The following FSTL4 variants were observed in gnomAD, a reference collection of about 807,000 sequenced individuals.
FSTL4 encodes the protein follistatin-related protein 4.
In FSTL4, 28 loss-of-function variants were observed where a neutral mutation model predicts 78.2. The observed-to-expected ratio is 0.36, with a 90% confidence interval of 0.27 to 0.49. FSTL4 has a LOEUF of 0.49. FSTL4 is among the 20% of genes least tolerant of loss of function. The pLI is 0.98. For synonymous variants in FSTL4, 422 were observed against 440.5 expected (o/e 0.96, Z 0.53); for missense variants, 922 against 1,084.9 (o/e 0.85, Z 2.11).
intron 7 of FSTL4, among the ~76,000 whole-genome samples, chr5:133,243,108 A>G (rs1751926643): frequency 6.6e-6 from 1 of 152,254 alleles, no homozygotes; most frequent in African/African-American, 2.4e-5. Flanking sequence ...TATGGGGAGA[A>G]AAGTGAACAT....
At chr5:133,833,637 C>G in the FSTL4 span, among the ~76,000 whole-genome samples, 1,170 of 152,190 alleles carry the variant, frequency 7.7e-3, 20 homozygotes, top group African/African-American at 0.027. Context: ...GTCTTTAACC[C>G]AAGAGATGAG....
the FSTL4 span, among the ~76,000 whole-genome samples, chr5:133,796,087 A>T: frequency 2.0e-5 from 3 of 152,126 alleles, no homozygotes; most frequent in Non-Finnish European, 4.4e-5. Context: ...TGTGCTCCTT[A>T]TACAGCTGTC....
chr5:133,220,360 C>T (rs554273714), intron 12 of FSTL4, among the ~76,000 whole-genome samples: 2 of 152,382 alleles, frequency 1.3e-5, no homozygotes, highest in South Asian at 4.1e-4. Flanking sequence ...AGCAATCATG[C>T]TCCTGCCTCT....
chr5:133,797,679 T>G, the FSTL4 span, among the ~76,000 whole-genome samples: 3 of 152,190 alleles, frequency 2.0e-5, no homozygotes, highest in Non-Finnish European at 4.4e-5. Context: ...TAGGATTCCA[T>G]TTTTAATTTA....
intron 6 of FSTL4, among the ~76,000 whole-genome samples, chr5:133,270,368 T>A (rs1196849869): frequency 1.3e-5 from 2 of 152,210 alleles, no homozygotes; most frequent in Non-Finnish European, 2.9e-5. Flanking sequence ...TATTAGCATT[T>A]CAAAAATGTT....
intron 1 of FSTL4, among the ~76,000 whole-genome samples, chr5:133,605,973 G>A (rs538115243): frequency 2.0e-5 from 3 of 152,086 alleles, no homozygotes; most frequent in Admixed American, 2.0e-4. Flanking sequence ...CGGCAGTCAC[G>A]GCACTCCCTC....
chr5:133,395,345 A>C (rs1755995183), intron 4 of FSTL4, among the ~76,000 whole-genome samples: 1 of 152,116 alleles, frequency 6.6e-6, no homozygotes, highest in African/African-American at 2.4e-5. Flanking sequence ...CCGCCTTAAG[A>C]GCTGTAACAC....
the FSTL4 span, among the ~76,000 whole-genome samples, chr5:133,629,723 C>T: frequency 0.064 from 9,707 of 152,238 alleles, 341 homozygotes; most frequent in South Asian, 0.074. Context: ...ATATCCCTGA[C>T]GAACATCAAT....
the FSTL4 span, among the ~76,000 whole-genome samples, chr5:133,794,761 A>G: frequency 6.6e-6 from 1 of 152,142 alleles, no homozygotes; most frequent in Non-Finnish European, 1.5e-5. Context: ...CCAGCACTGT[A>G]TCCAAGCACA....
chr5:133,726,246 C>T, the FSTL4 span, among the ~76,000 whole-genome samples: 1 of 152,208 alleles, frequency 6.6e-6, no homozygotes, highest in Non-Finnish European at 1.5e-5. Flanking sequence ...TGACTCAACT[C>T]AGCCATGCCA....
At chr5:133,648,741 C>A in the FSTL4 span, among the ~76,000 whole-genome samples, 1 of 152,110 alleles carries the variant, frequency 6.6e-6, no homozygotes, top group Admixed American at 6.6e-5. Flanking sequence ...AGGTTCCCAA[C>A]AAAATTGAAC....
intron 3 of FSTL4, among the ~76,000 whole-genome samples, chr5:133,491,327 T>A (rs1418668274): frequency 6.6e-6 from 1 of 152,220 alleles, no homozygotes; most frequent in African/African-American, 2.4e-5. Flanking sequence ...CTTTTGTCAC[T>A]GTGCAGTAAA....
rs561700669 is a variant in FSTL4, at chr5:133,298,385, C to T, written c.727+14269G>A. ...TCTGCCCATCCAGCCAACACTCCAT[C>T]GTGGGTGGGCTTCCCCACTGTGGGC... On this transcript the variant is annotated intron_variant, in intron 6 of 15. Transcript: ENST00000265342. 9.2e-5 allele frequency among the ~76,000 whole-genome samples: 14 copies of T among 152,354 alleles called. 1 individual carries two copies. In the South Asian group the frequency reaches 1.9e-3, roughly 20 times the overall value.
At chr5:133,406,563 C>T (rs1188110767) in intron 3 of FSTL4, among the ~76,000 whole-genome samples, 1 of 152,200 alleles carries the variant, frequency 6.6e-6, no homozygotes, top group African/African-American at 2.4e-5. Context: ...TCCTAGATGC[C>T]CTGGATGCCG....
intron 4 of FSTL4, among the ~76,000 whole-genome samples, chr5:133,323,581 T>C: frequency 6.6e-6 from 1 of 152,184 alleles, no homozygotes; most frequent in South Asian, 2.1e-4. Context: ...CTGCATGTCC[T>C]GGTAAGCCTG....
chr5:133,332,505 C>G (rs1386021472), intron 4 of FSTL4, among the ~76,000 whole-genome samples: 1 of 152,190 alleles, frequency 6.6e-6, no homozygotes, highest in East Asian at 1.9e-4. Context: ...AGAGGCGGAG[C>G]CAGTGGCCTG....
the FSTL4 span, among the ~76,000 whole-genome samples, chr5:133,730,005 G>A: frequency 3.9e-5 from 6 of 152,174 alleles, no homozygotes; most frequent in African/African-American, 7.2e-5. Flanking sequence ...CCCAGAAAAC[G>A]CAATGTGGCC....
At chr5:133,227,421 A>T (rs1411507924) in intron 8 of FSTL4, among the ~76,000 whole-genome samples, 1 of 152,188 alleles carries the variant, frequency 6.6e-6, no homozygotes, top group Non-Finnish European at 1.5e-5. Flanking sequence ...GCTTGATTCA[A>T]AGAGGAAAGA....
At chr5:133,652,012 T>C in the FSTL4 span, among the ~76,000 whole-genome samples, 1 of 152,168 alleles carries the variant, frequency 6.6e-6, no homozygotes, top group Admixed American at 6.5e-5. Flanking sequence ...ATTGGTTCAC[T>C]TCATCTAGGT....
Sources: allele counts gnomAD v4.1 joint callset (sites outside exome capture counted in the v4.1 genomes callset), GRCh38; gene constraint gnomAD v4.1.1; transcripts MANE v1.5; gene names NCBI Gene and HGNC (gene_info 2026-07-23, HGNC 2026-07-21).